CFAP299: variants seen among roughly 807,000 people sequenced by gnomAD.
CFAP299 encodes the protein cilia and flagella associated protein 299.
A neutral mutation model predicts 27.0 loss-of-function variants in CFAP299; 21 were observed. That is an observed-to-expected ratio of 0.78 (90% CI 0.55 to 1.12). CFAP299 has a LOEUF of 1.12. CFAP299 is among the 50% of genes most tolerant of loss of function. The pLI is 0.00. For synonymous variants in CFAP299, 104 were observed against 98.1 expected, an observed-to-expected ratio of 1.06 and a Z score of -0.36; for missense variants, 310 against 276.6, an observed-to-expected ratio of 1.12 and a Z score of -0.86.
intron 5 of CFAP299, among the ~76,000 whole-genome samples, chr4:80,952,492 G>A (rs371204819): frequency 2.0e-5 from 3 of 152,028 alleles, no homozygotes; most frequent in East Asian, 3.9e-4. Flanking sequence ...TTTTTCCAGG[G>A]TAACGGCAAT....
Position 80,621,176 on chromosome 4 carries a change from C to A in CFAP299, c.333+37993C>A, listed in dbSNP as rs963174745. ...AATTTTGGGGGGATTCAGTTATAGGCAAGGGGCTACATTCAACTTTAAGAT... is the reference window on the plus strand; with the variant it reads ...AATTTTGGGGGGATTCAGTTATAGGAAAGGGGCTACATTCAACTTTAAGAT... On this transcript the variant is annotated intron_variant, in intron 3 of 5. Coordinates refer to ENST00000358105, the MANE Select transcript of CFAP299 (RefSeq NM_152770.3). 6.6e-5 allele frequency among the ~76,000 whole-genome samples: 10 copies of A among 152,182 alleles called. No homozygotes were observed. In the East Asian group the frequency reaches 1.9e-3, roughly 29 times the overall value.
intron 2 of CFAP299, among the ~76,000 whole-genome samples, chr4:80,457,463 A>T (rs1327103634): frequency 2.0e-5 from 3 of 152,156 alleles, no homozygotes; most frequent in African/African-American, 7.2e-5. Context: ...TCCATGGCCC[A>T]TGTGAATGGA....
At chr4:80,438,118 T>G (rs1386489913) in intron 2 of CFAP299, among the ~76,000 whole-genome samples, 4 of 152,186 alleles carry the variant, frequency 2.6e-5, no homozygotes, top group Non-Finnish European at 5.9e-5. Context: ...TGGAATATGT[T>G]AGATGGTGGC....
intron 2 of CFAP299, among the ~76,000 whole-genome samples, chr4:80,439,862 G>C (rs1440442916): frequency 1.3e-5 from 2 of 152,166 alleles, no homozygotes; most frequent in Non-Finnish European, 2.9e-5. Context: ...CGAGCTTGGT[G>C]GGGGGAAGGG....
At chr4:80,771,951 T>C (rs1349382607) in intron 3 of CFAP299, among the ~76,000 whole-genome samples, 1 of 152,200 alleles carries the variant, frequency 6.6e-6, no homozygotes, top group Non-Finnish European at 1.5e-5. Context: ...AGAATTTTTA[T>C]TGTTATAGCG....
At chr4:80,363,995 G>A (rs771670723) in intron 2 of CFAP299, among the ~76,000 whole-genome samples, 1 of 151,840 alleles carries the variant, frequency 6.6e-6, no homozygotes, top group Non-Finnish European at 1.5e-5. Context: ...GCTGAGGCAG[G>A]AGAATGACGT....
intron 2 of CFAP299, among the ~76,000 whole-genome samples, chr4:80,437,306 G>C (rs11736601): frequency 0.19 from 29,203 of 152,098 alleles, 2,987 homozygotes; most frequent in South Asian, 0.29. Flanking sequence ...ACTGGAAAAA[G>C]TCTGAGATTT....
chr4:80,862,605 A>G (rs1732452078), intron 3 of CFAP299, among the ~76,000 whole-genome samples: 2 of 152,056 alleles, frequency 1.3e-5, no homozygotes, highest in African/African-American at 4.8e-5. Flanking sequence ...TTGCAATGAC[A>G]TTTGGTTCCT....
At chr4:80,775,069 AAT>A (rs1424402000) in intron 3 of CFAP299, among the ~76,000 whole-genome samples, 1 of 147,094 alleles carries the variant, frequency 6.8e-6, no homozygotes, top group East Asian at 1.9e-4. Context: ...AAAATAAAAA[AAT>A]AAAAAAAAAA....
Position 80,552,971 on chromosome 4 carries a change from GGCCACT to G in CFAP299, c.243-30119_243-30114del, listed in dbSNP as rs540998487. On this transcript the variant is annotated intron_variant, in intron 2 of 5. Transcript: ENST00000358105. ...CTTAAGTGCTGAAATTATAGACATT[GGCCACT>G]GCACATAGCCAATAGGTTTATTTTT... Among the ~76,000 whole-genome samples, 293 of 152,036 alleles carry G rather than the reference GGCCACT, an allele frequency of 1.9e-3. 1 individual carries two copies. The highest frequency in any genetic ancestry group is 6.6e-3 in the African/African-American group (275 of 41,494).
At chr4:80,510,798 C>T (rs1168603104) in intron 2 of CFAP299, among the ~76,000 whole-genome samples, 1 of 152,074 alleles carries the variant, frequency 6.6e-6, no homozygotes. Context: ...TGAACATCAC[C>T]CCAACTATTT....
chr4:80,826,288 G>C (rs993653788), intron 3 of CFAP299, among the ~76,000 whole-genome samples: 1 of 151,392 alleles, frequency 6.6e-6, no homozygotes, highest in Non-Finnish European at 1.5e-5. Flanking sequence ...ACAGAAGACA[G>C]TAATGCACAA....
chr4:80,794,929 G>A (rs993982082), intron 3 of CFAP299, among the ~76,000 whole-genome samples: 2 of 152,160 alleles, frequency 1.3e-5, no homozygotes, highest in Non-Finnish European at 2.9e-5. Context: ...GCACTCAACA[G>A]TGGCCATAGC....
At chr4:80,387,753 G>C (rs943700345) in intron 2 of CFAP299, 44 of 1,588,390 alleles carry the variant, frequency 2.8e-5, no homozygotes, top group Non-Finnish European at 3.8e-5. Flanking sequence ...GCTGCTGCAG[G>C]TCGAAGTTTT....
At chr4:80,744,539 C>T (rs1432223614) in intron 3 of CFAP299, among the ~76,000 whole-genome samples, 3 of 152,088 alleles carry the variant, frequency 2.0e-5, no homozygotes, top group Admixed American at 6.6e-5. Flanking sequence ...GACTTATTCT[C>T]TGCAGGTGAA....
chr4:80,803,262 A>T (rs1413957223), intron 3 of CFAP299, among the ~76,000 whole-genome samples: 1 of 152,126 alleles, frequency 6.6e-6, no homozygotes, highest in African/African-American at 2.4e-5. Flanking sequence ...AATTATTAAC[A>T]TACATACAGA....
At chr4:80,813,582 A>G (rs1336432955) in intron 3 of CFAP299, among the ~76,000 whole-genome samples, 1 of 152,018 alleles carries the variant, frequency 6.6e-6, no homozygotes, top group Non-Finnish European at 1.5e-5. Context: ...TTGTGAATAA[A>G]AACAATGGCT....
chr4:80,584,210 A>G (rs1218016740), intron 3 of CFAP299, among the ~76,000 whole-genome samples: 1 of 152,078 alleles, frequency 6.6e-6, no homozygotes, highest in East Asian at 1.9e-4. Context: ...AGTCTGAATG[A>G]ATATATGAGC....
chr4:80,366,237 A>G (rs1315073078), intron 2 of CFAP299, among the ~76,000 whole-genome samples: 1 of 152,196 alleles, frequency 6.6e-6, no homozygotes, highest in Non-Finnish European at 1.5e-5. Context: ...CCACTATCAG[A>G]TCATCTTACA....
Sources: gnomAD v4.1 joint callset for allele counts (sites outside exome capture counted in the v4.1 genomes callset) on GRCh38, gnomAD v4.1.1 for gene constraint, MANE v1.5 for transcripts, NCBI Gene and HGNC (gene_info 2026-07-23, HGNC 2026-07-21) for gene names.